The following GPC5 variants were observed in gnomAD, a reference collection of about 807,000 sequenced individuals.
GPC5 encodes the protein glypican 5.
GPC5 carries 47 observed loss-of-function variants against 53.9 expected under a neutral mutation model. The observed-to-expected ratio is 0.87, with a 90% CI of 0.69 to 1.11. GPC5 has a LOEUF of 1.11. Among genes scored for constraint, GPC5 ranks in the 50% most tolerant of loss-of-function variants. The pLI is 0.00. For synonymous variants in GPC5, 286 were observed against 263.3 expected (o/e 1.09, Z -0.84); for missense variants, 748 against 713.1 (o/e 1.05, Z -0.56).
At chr13:91,916,781 GC>G (rs2039663620) in intron 6 of GPC5, among the ~76,000 whole-genome samples, 1 of 152,102 alleles carries the variant, frequency 6.6e-6, no homozygotes, top group Non-Finnish European at 1.5e-5. Flanking sequence ...CAGAGGAAAT[GC>G]CAGACACTTA....
chr13:91,814,381 G>T (rs1295772053), intron 5 of GPC5, among the ~76,000 whole-genome samples: 1 of 152,012 alleles, frequency 6.6e-6, no homozygotes, highest in Non-Finnish European at 1.5e-5. Context: ...CCATTTGCAG[G>T]TTTTGTATAT....
chr13:92,727,503 G>C (rs1356620632), intron 7 of GPC5, among the ~76,000 whole-genome samples: 1 of 151,324 alleles, frequency 6.6e-6, no homozygotes, highest in Non-Finnish European at 1.5e-5. Context: ...CTTTCCAACT[G>C]ATTTCTGCAT....
intron 7 of GPC5, among the ~76,000 whole-genome samples, chr13:92,512,854 G>T (rs1164188082): frequency 6.6e-6 from 1 of 152,284 alleles, no homozygotes; most frequent in Non-Finnish European, 1.5e-5. Context: ...GGTTCATTTT[G>T]CTCTGATCAC....
intron 7 of GPC5, among the ~76,000 whole-genome samples, chr13:92,572,883 A>G (rs973269344): frequency 6.6e-6 from 1 of 152,192 alleles, no homozygotes; most frequent in Non-Finnish European, 1.5e-5. Context: ...AAAAAACAAA[A>G]TGGTAATTGC....
At chr13:92,535,433 C>A (rs1304701570) in intron 7 of GPC5, among the ~76,000 whole-genome samples, 1 of 151,954 alleles carries the variant, frequency 6.6e-6, no homozygotes, top group Non-Finnish European at 1.5e-5. Context: ...AAATCCATCT[C>A]CCTGACTGAC....
intron 7 of GPC5, among the ~76,000 whole-genome samples, chr13:92,596,568 G>T (rs1165866012): frequency 1.3e-5 from 2 of 152,002 alleles, no homozygotes; most frequent in South Asian, 2.1e-4. Flanking sequence ...CTGGCTTCTG[G>T]GTTCAAGCGA....
At chr13:91,578,182 T>C (rs1339951774) in intron 2 of GPC5, among the ~76,000 whole-genome samples, 1 of 152,174 alleles carries the variant, frequency 6.6e-6, no homozygotes, top group Non-Finnish European at 1.5e-5. Context: ...AAGTGAGCCT[T>C]CTTGGAAGCA....
rs115039609 is a variant in GPC5, at chr13:91,818,800, A to C, written c.1280+62380A>C. ...CAAAGCCAGCATTATAAGATATATAAATACAAGATGTTTTAGAGACAAAGA... is the reference window on the plus strand; with the variant it reads ...CAAAGCCAGCATTATAAGATATATACATACAAGATGTTTTAGAGACAAAGA... On this transcript the variant is annotated intron_variant, in intron 5 of 7. Transcript: ENST00000377067. 7.9e-3 allele frequency among the ~76,000 whole-genome samples: 1,199 copies of C among 152,268 alleles called. 16 individuals are homozygous for C. Among genetic ancestry groups the C allele is most frequent in the African/African-American group, 0.027 (1,140 of 41,540 alleles).
intron 7 of GPC5, chr13:92,240,968 C>G (rs1241340960): frequency 2.0e-5 from 3 of 152,192 alleles, no homozygotes; most frequent in Admixed American, 6.5e-5. Context: ...GAGGGAGAAA[C>G]TATTCTCTTA....
intron 2 of GPC5, among the ~76,000 whole-genome samples, chr13:91,541,828 A>G (rs982240408): frequency 1.1e-5 from 1 of 92,718 alleles, no homozygotes; most frequent in African/African-American, 3.1e-5. Flanking sequence ...TTAATTAATA[A>G]TAAAAAAGCA....
intron 7 of GPC5, among the ~76,000 whole-genome samples, chr13:92,805,897 G>T (rs1355438967): frequency 6.6e-6 from 1 of 151,984 alleles, no homozygotes; most frequent in Non-Finnish European, 1.5e-5. Flanking sequence ...TAGGATTTTT[G>T]GAATGGTAAA....
At chr13:91,510,972 T>TA (rs1885202464) in intron 2 of GPC5, among the ~76,000 whole-genome samples, 1 of 152,214 alleles carries the variant, frequency 6.6e-6, no homozygotes, top group African/African-American at 2.4e-5. Context: ...TTGATTTTTT[T>TA]ATACTGTACT....
At chr13:92,777,595 G>T (rs1248696590) in intron 7 of GPC5, among the ~76,000 whole-genome samples, 1 of 152,280 alleles carries the variant, frequency 6.6e-6, no homozygotes, top group East Asian at 1.9e-4. Context: ...CTCCAGCCTG[G>T]CAATAGAGCG....
intron 7 of GPC5, among the ~76,000 whole-genome samples, chr13:92,779,731 C>T (rs755213220): frequency 2.6e-5 from 4 of 152,030 alleles, no homozygotes; most frequent in African/African-American, 7.2e-5. Flanking sequence ...GGTCTAAGAC[C>T]TTATACAAGG....
At chr13:91,756,551 T>G in intron 5 of GPC5, 131 bp downstream of exon 5, 1 of 753,244 alleles carries the variant, frequency 1.3e-6, no homozygotes, top group Non-Finnish European at 1.9e-6. Flanking sequence ...TTATCTTTAG[T>G]TTGTCAAAAA....
At chr13:91,518,300 G>A (rs1246195905) in intron 2 of GPC5, among the ~76,000 whole-genome samples, 1 of 152,118 alleles carries the variant, frequency 6.6e-6, no homozygotes, top group Non-Finnish European at 1.5e-5. Context: ...GTTTGAGGTT[G>A]CAGTGAACTA....
intron 7 of GPC5, among the ~76,000 whole-genome samples, chr13:92,282,204 G>A (rs1010345130): frequency 1.1e-4 from 16 of 152,142 alleles, no homozygotes; most frequent in East Asian, 1.9e-4. Context: ...AGAAAAAAGA[G>A]TAAAAAGAAA....
chr13:91,988,422 C>T (rs549056235), intron 6 of GPC5, among the ~76,000 whole-genome samples: 1 of 152,264 alleles, frequency 6.6e-6, no homozygotes, highest in South Asian at 2.1e-4. Context: ...TGATCCAAAA[C>T]ACTCTTTTGA....
chr13:92,066,220 A>G (rs1287205823), intron 6 of GPC5, among the ~76,000 whole-genome samples: 1 of 152,064 alleles, frequency 6.6e-6, no homozygotes, highest in Non-Finnish European at 1.5e-5. Context: ...CTAAAGGACA[A>G]GGGCTGCCAT....
Sources: allele counts gnomAD v4.1 joint callset (sites outside exome capture counted in the v4.1 genomes callset), GRCh38; gene constraint gnomAD v4.1.1; transcripts MANE v1.5; gene names NCBI Gene and HGNC (gene_info 2026-07-23, HGNC 2026-07-21).